The following HDAC9 variants were observed in gnomAD, a reference collection of about 807,000 sequenced individuals.
HDAC9 encodes MEF-2 interacting transcription repressor (MITR) protein.
In HDAC9, 41 loss-of-function variants were observed where a neutral mutation model predicts 139.4. That is an observed-to-expected ratio of 0.29 (90% CI 0.23 to 0.38). The LOEUF (loss-of-function observed/expected upper bound fraction) is 0.38. Among genes scored for constraint, HDAC9 ranks in the 10% least tolerant of loss-of-function variants. The pLI is 1.00. For missense variants in HDAC9, 1,147 were observed against 1,297.0 expected (o/e 0.88, Z 1.78); for synonymous variants, 517 against 476.2 (o/e 1.09, Z -1.12).
At chr7:18,092,601 G>A (rs1207406700) in intron 1 of HDAC9, among the ~76,000 whole-genome samples, 1 of 151,982 alleles carries the variant, frequency 6.6e-6, no homozygotes, top group African/African-American at 2.4e-5. Context: ...ATAATAATGG[G>A]GTCCCATTGT....
At chr7:18,352,023 A>G (rs1043335923) in intron 1 of HDAC9, among the ~76,000 whole-genome samples, 14 of 152,340 alleles carry the variant, frequency 9.2e-5, no homozygotes, top group Admixed American at 7.2e-4. Flanking sequence ...AGAAGAAAAA[A>G]ATTCAAAATG....
chr7:18,832,591 T>G (rs1795929928), intron 19 of HDAC9, among the ~76,000 whole-genome samples: 1 of 152,196 alleles, frequency 6.6e-6, no homozygotes, highest in Non-Finnish European at 1.5e-5. Flanking sequence ...TCTATAGTAA[T>G]TTCTCACAAT....
Position 18,392,919 on chromosome 7 carries a change from CAAAAA to C in HDAC9, c.-42+102424_-42+102428del, listed in dbSNP as rs773532939. On this transcript the variant is annotated intron_variant, in intron 1 of 3. Transcript: ENST00000413509. Reference sequence around the variant, plus strand: ...TGAATGTAGGTCTGGCCATGACTGGCAAAAAAAAAAAAAAAAAAAAAAAAGGAAAT... The same window carrying C: ...TGAATGTAGGTCTGGCCATGACTGGCAAAAAAAAAAAAAAAAAAAGGAAAT... Among the ~76,000 whole-genome samples the C allele has an allele frequency of 0.015, 651 of 44,552 alleles. 25 individuals are homozygous for C. In the East Asian group the frequency reaches 0.24, roughly 17 times the overall value. 29.2% of individuals were successfully genotyped at this position (44,552 alleles called of 152,430 possible).
chr7:18,332,566 G>GCA (rs1476263251), intron 1 of HDAC9, among the ~76,000 whole-genome samples: 1 of 151,512 alleles, frequency 6.6e-6, no homozygotes, highest in Non-Finnish European at 1.5e-5. Flanking sequence ...GGGAGCTATG[G>GCA]CACAGGGATT....
At chr7:18,906,589 G>A (rs1802283550) in intron 22 of HDAC9, among the ~76,000 whole-genome samples, 1 of 152,176 alleles carries the variant, frequency 6.6e-6, no homozygotes, top group African/African-American at 2.4e-5. Flanking sequence ...CTATGGTGGG[G>A]AAAATGATGG....
At chr7:18,397,676 A>G (rs1787180763) in intron 1 of HDAC9, among the ~76,000 whole-genome samples, 1 of 152,176 alleles carries the variant, frequency 6.6e-6, no homozygotes, top group African/African-American at 2.4e-5. Context: ...ATTAAAATAT[A>G]AGTGATTTTT....
chr7:18,687,707 C>G (rs1449613590), intron 12 of HDAC9, among the ~76,000 whole-genome samples: 1 of 151,808 alleles, frequency 6.6e-6, no homozygotes, highest in Non-Finnish European at 1.5e-5. Context: ...ACTAGGCTAT[C>G]CTGACTCAAA....
intron 1 of HDAC9, among the ~76,000 whole-genome samples, chr7:18,301,514 T>C (rs772226136): frequency 4.6e-5 from 7 of 152,188 alleles, no homozygotes; most frequent in Non-Finnish European, 8.8e-5. Flanking sequence ...ACTGTCCCAC[T>C]GGGATAGTAG....
intron 2 of HDAC9, among the ~76,000 whole-genome samples, chr7:18,189,913 TGTG>T (rs1387251184): frequency 3.4e-5 from 3 of 87,984 alleles, no homozygotes; most frequent in Non-Finnish European, 6.3e-5. Context: ...GTAAATAACT[TGTG>T]TGTGGTGTGT....
At chr7:18,936,253 C>T (rs995312933) in intron 23 of HDAC9, among the ~76,000 whole-genome samples, 33 of 151,914 alleles carry the variant, frequency 2.2e-4, no homozygotes, top group African/African-American at 7.7e-4. Context: ...TAAAAAATGT[C>T]TGGAGGTTTC....
chr7:18,228,981 G>T (rs1309642483), intron 2 of HDAC9, among the ~76,000 whole-genome samples: 1 of 152,114 alleles, frequency 6.6e-6, no homozygotes, highest in Non-Finnish European at 1.5e-5. Context: ...AGGTTTTGTG[G>T]CTTATTAGAC....
chr7:18,747,767 A>G (rs1788109633), intron 13 of HDAC9, among the ~76,000 whole-genome samples: 1 of 152,348 alleles, frequency 6.6e-6, no homozygotes, highest in Admixed American at 6.5e-5. Flanking sequence ...TTCTTTTGTT[A>G]GACATAATTT....
At chr7:18,228,820 A>C (rs890706988) in intron 2 of HDAC9, among the ~76,000 whole-genome samples, 2 of 152,154 alleles carry the variant, frequency 1.3e-5, no homozygotes. Flanking sequence ...CAGCCTTCCA[A>C]ACTAGCCTGT....
At chr7:18,180,673 A>T (rs913057137) in intron 2 of HDAC9, among the ~76,000 whole-genome samples, 1 of 152,196 alleles carries the variant, frequency 6.6e-6, no homozygotes, top group African/African-American at 2.4e-5. Context: ...CTTTGAGAAC[A>T]AGTTACTTTA....
intron 1 of HDAC9, among the ~76,000 whole-genome samples, chr7:18,434,026 T>C (rs1790935516): frequency 6.6e-6 from 1 of 152,154 alleles, no homozygotes. Context: ...TGTGACAGGC[T>C]GCAGTATCCA....
intron 2 of HDAC9, among the ~76,000 whole-genome samples, chr7:18,532,621 C>T (rs566187309): frequency 1.1e-4 from 17 of 152,244 alleles, no homozygotes; most frequent in African/African-American, 3.8e-4. Flanking sequence ...TTTGGGTTCT[C>T]TATGAGTGAA....
chr7:18,883,144 T>C (rs538855406), intron 22 of HDAC9, among the ~76,000 whole-genome samples: 1 of 152,282 alleles, frequency 6.6e-6, no homozygotes, highest in Admixed American at 6.5e-5. Flanking sequence ...TTATGATACA[T>C]TGAGGTATGT....
chr7:18,652,520 C>T (rs1162644150), intron 11 of HDAC9, among the ~76,000 whole-genome samples: 1 of 151,714 alleles, frequency 6.6e-6, no homozygotes, highest in African/African-American at 2.4e-5. Context: ...CTAGTCACTT[C>T]ACTATTTGAA....
intron 21 of HDAC9, among the ~76,000 whole-genome samples, chr7:18,869,775 G>A (rs1038031357): frequency 2.6e-5 from 4 of 152,182 alleles, no homozygotes; most frequent in East Asian, 1.9e-4. Context: ...AAAAAACACC[G>A]GTTTAGAGAG....
Sources: gnomAD v4.1 joint callset for allele counts (sites outside exome capture counted in the v4.1 genomes callset) on GRCh38, gnomAD v4.1.1 for gene constraint, MANE v1.5 for transcripts, NCBI Gene and HGNC (gene_info 2026-07-23, HGNC 2026-07-21) for gene names.